Variants in IGSF9 observed in about 807,000 individuals in gnomAD.
IGSF9 encodes the protein protein turtle homolog A.
IGSF9 carries 87 observed loss-of-function variants against 121.7 expected under a neutral mutation model. The observed-to-expected ratio is 0.71, with a 90% CI of 0.60 to 0.85. The LOEUF (loss-of-function observed/expected upper bound fraction) is 0.85, where lower values mean the gene tolerates loss of function less well. Among genes scored for constraint, IGSF9 ranks in the 40% least tolerant of loss-of-function variants. The pLI, the probability that IGSF9 is intolerant of heterozygous loss-of-function variation, is 0.00. For missense variants in IGSF9, 1,462 were observed against 1,565.3 expected (o/e 0.93, Z 1.11); for synonymous variants, 640 against 648.4 (o/e 0.99, Z 0.20).
intron 19 of IGSF9, 26 bp downstream of exon 19, chr1:159,928,132 C>T (rs1650811935): frequency 9.4e-6 from 15 of 1,596,704 alleles, no homozygotes; most frequent in African/African-American, 1.3e-5. Context: ...GAGGCGGAGG[C>T]AGGGATGGGC....
chr1:159,931,181 C>T lies in IGSF9; in HGVS notation c.1594G>A (p.Asp532Asn), dbSNP rs143172293. The T allele has an allele frequency of 2.0e-5, 33 of 1,614,030 alleles. No individual in the cohort carries two copies. The highest frequency in any genetic ancestry group is 2.8e-5 in the Non-Finnish European group (33 of 1,180,000). The change falls in exon 13 of 21, where the codon GAT becomes AAT. Residue 532 changes from aspartate (D) to asparagine (N), a missense_variant. This residue lies in a region of IGSF9 where 96 missense variants were observed against 150.7 expected (regional missense o/e 0.64). Transcript: ENST00000368094. The surrounding 1 kb of genome is among the most constrained non-coding windows in gnomAD (Gnocchi z 4.8). Reference sequence around the variant, plus strand: ...CTGAATCTCTGCAGATAACCACCATCAAAGCCAGGCTCCCAGGAGACATTG... The same window carrying T: ...CTGAATCTCTGCAGATAACCACCATTAAAGCCAGGCTCCCAGGAGACATTG... ...GANVSWEPGF[D>N]GGYLQRFSVW...
intron 15 of IGSF9, 32 bp from the exon 16 acceptor site, chr1:159,930,007 T>A: frequency 1.3e-6 from 2 of 1,583,188 alleles, no homozygotes; most frequent in Non-Finnish European, 1.7e-6. Context: ...AGGAGGGAGG[T>A]CAGGGCCCAG....
rs1487643925 is a variant in IGSF9 at position 159,927,045 on chromosome 1, T to C, written c.*300A>G. ...GACAGATAACACACAGAAACATCTT[T>C]CAAACTTTGTTTATTCACCTGTAAA... On this transcript the variant is annotated 3_prime_UTR_variant, in exon 21 of 21. Transcript: ENST00000368094. The C allele has an allele frequency of 2.1e-6, 1 of 472,420 alleles. No homozygotes were observed. The highest frequency in any genetic ancestry group is 3.8e-6 in the Non-Finnish European group (1 of 263,644). The allele number at this position is 472,420 out of a possible 1,614,324, so 29.3% of individuals were successfully genotyped here.
In IGSF9 at chr1:159,927,473, G is replaced by T. The variant is rs1411465363; in HGVS notation, c.3412C>A (p.Pro1138Thr). Residue 1138 changes from proline (P) to threonine (T), a missense_variant, in exon 21 of 21, where the codon CCT (proline) becomes ACT (threonine). By Grantham distance (38) the Pro-to-Thr change is conservative. Transcript: ENST00000368094. ...CGAAGGGCAGCACAGCGGGCCTCAG[G>T]GCCAGTAACATGGGCAGTGTTCAGG... ...CLLNTAHVTG[P>T]EARCAALREE... 6.2e-7 allele frequency: 1 copy of T among 1,614,030 alleles called. No homozygotes were observed. Among genetic ancestry groups the T allele is most frequent in the African/African-American group, 1.3e-5 (1 of 74,934 alleles).
intron 1 of IGSF9, among the ~76,000 whole-genome samples, chr1:159,944,567 T>C (rs185508975): frequency 3.9e-5 from 6 of 152,188 alleles, no homozygotes; most frequent in African/African-American, 1.2e-4. Flanking sequence ...CCCAGAGGCA[T>C]GGTCCAAAAA....
intron 9 of IGSF9, 76 bp downstream of exon 9, chr1:159,934,114 G>A (rs1202065834): frequency 6.7e-6 from 10 of 1,503,006 alleles, no homozygotes; most frequent in Admixed American, 5.9e-5. Context: ...GAATTAAACC[G>A]AGCTAACTCC....
chr1:159,931,800 C>T lies in IGSF9; in HGVS notation c.1362+12G>A, dbSNP rs748287510. 1.3e-6 allele frequency: 2 copies of T among 1,540,834 alleles called. No individual in the cohort carries two copies. Among genetic ancestry groups the T allele is most frequent in the East Asian group, 4.5e-5 (2 of 44,246 alleles). ...GGCGTGGGTACAGGCAGAGCGGGCTCAGGAGCCTTACCTTGGTCCAAGAGA... is the reference window on the plus strand; with the variant it reads ...GGCGTGGGTACAGGCAGAGCGGGCTTAGGAGCCTTACCTTGGTCCAAGAGA... On this transcript the variant is annotated intron_variant, in intron 11 of 20. Coordinates refer to ENST00000368094, the MANE Select transcript of IGSF9 (RefSeq NM_001135050.2). The surrounding 1 kb of genome is among the most constrained non-coding windows in gnomAD (Gnocchi z 4.8).
chr1:159,935,341 T>G (rs1651147891), intron 6 of IGSF9, among the ~76,000 whole-genome samples: 1 of 151,958 alleles, frequency 6.6e-6, no homozygotes, highest in Non-Finnish European at 1.5e-5. Flanking sequence ...TACACTAAGC[T>G]CAAACCCAGC....
intron 6 of IGSF9, among the ~76,000 whole-genome samples, chr1:159,935,571 T>G (rs1651155444): frequency 6.6e-6 from 1 of 152,206 alleles, no homozygotes; most frequent in Non-Finnish European, 1.5e-5. Context: ...CCACTACTCC[T>G]TCCCCTCTCT....
chr1:159,932,022 C>T lies in IGSF9; in HGVS notation c.1246-94G>A, dbSNP rs929924582. The stretch of plus-strand genomic sequence containing the variant: ...TGCTCCCTGTCATGCCATGTCTCAC[C>T]TCACTCTCCCTCACTCCCCCTAGCT... On this transcript the variant is annotated intron_variant, in intron 10 of 20. Transcript: ENST00000368094. This position sits in a 1 kb window ranked among gnomAD's most constrained non-coding sequence, Gnocchi z 4.1. 1.7e-5 allele frequency: 12 copies of T among 715,064 alleles called. No individual in the cohort carries two copies. Among genetic ancestry groups the T allele is most frequent in the African/African-American group, 1.1e-4 (6 of 56,270 alleles). 44.3% of individuals were successfully genotyped at this position (715,064 alleles called of 1,614,324 possible).
In IGSF9 at chr1:159,928,424, A is replaced by G. The variant is rs1312529630; in HGVS notation, c.2964T>C (p.Ala988=). The part of the protein sequence containing the change: ...RESLPGAVVG[A]GATAEPPYTA... ...TGTAAGGGGGCTCTGCAGTGGCCCC[A>G]GCCCCTACCACAGCCCCAGGAAGTG... The change falls in exon 19 of 21, where the codon GCT becomes GCC. Residue 988 remains alanine (A), a synonymous_variant. Transcript: ENST00000368094. 1 of 1,605,068 alleles carries G rather than the reference A, an allele frequency of 6.2e-7. No individual in the cohort carries two copies. The highest frequency in any genetic ancestry group is 1.3e-5 in the African/African-American group (1 of 74,962).
rs757597018 is a variant in IGSF9, at chr1:159,936,564, G to A, written c.556-48C>T. ...AGAGTCCTTTCCCCTGCCAGCCTCA[G>A]ATCCTGCACTTCCGAGTTTGGCCAG... On this transcript the variant is annotated intron_variant, in intron 5 of 20. Transcript: ENST00000368094. The A allele has an allele frequency of 2.5e-6, 4 of 1,580,848 alleles. No individual in the cohort carries two copies. In the Admixed American group the frequency reaches 6.8e-5, roughly 27 times the overall value.
intron 14 of IGSF9, 101 bp downstream of exon 14, chr1:159,930,591 G>A: frequency 6.4e-7 from 1 of 1,554,390 alleles, no homozygotes; most frequent in Non-Finnish European, 8.8e-7. Context: ...AAGCTGGCCA[G>A]CACCTCTGCC....
In IGSF9 at chr1:159,928,724, G is replaced by A. The variant is rs752508017; in HGVS notation, c.2664C>T (p.Ser888=). 42 of 1,477,182 alleles carry A rather than the reference G, an allele frequency of 2.8e-5. No individual in the cohort carries two copies. The highest frequency in any genetic ancestry group is 7.8e-5 in the Admixed American group (3 of 38,646). 91.5% of individuals were successfully genotyped at this position (1,477,182 alleles called of 1,614,324 possible). A position where few individuals can be genotyped will look rare whatever the true frequency, so the allele number is the denominator to read the frequency against. The part of the protein sequence containing the change: ...QRLARSFDCS[S]SSPSGAPQPL... ...GCTGGGGTGCCCCACTGGGGCTGCTGCTGCTACAGTCAAAGGACCGGGCCA... is the reference window on the plus strand; with the variant it reads ...GCTGGGGTGCCCCACTGGGGCTGCTACTGCTACAGTCAAAGGACCGGGCCA... The change falls in exon 19 of 21, where the codon AGC becomes AGT. Residue 888 remains serine (S), a synonymous_variant. Transcript: ENST00000368094.
At chr1:159,937,019 C>T (rs1431002356) in intron 4 of IGSF9, 111 bp from the exon 5 acceptor site, 23 of 1,112,604 alleles carry the variant, frequency 2.1e-5, no homozygotes, top group Middle Eastern at 2.8e-4. Flanking sequence ...ACCCACCAGC[C>T]CTGCCTCATA....
At chr1:159,941,404 C>T (rs1232552276) in intron 3 of IGSF9, among the ~76,000 whole-genome samples, 1 of 152,264 alleles carries the variant, frequency 6.6e-6, no homozygotes, top group Non-Finnish European at 1.5e-5. Flanking sequence ...CAGGTCCCAA[C>T]TCCCTCAGCC....
At chr1:159,929,467 C>T in intron 17 of IGSF9, 74 bp from the exon 18 acceptor site, 1 of 1,566,072 alleles carries the variant, frequency 6.4e-7, no homozygotes, top group East Asian at 2.2e-5. Context: ...TCTCACCCAA[C>T]ACCAGGCGCC....
chr1:159,929,832 A>T lies in IGSF9; in HGVS notation c.2150-18T>A. ...CTCCAGACCTAGGCAGGGGTCCACG[A>T]GGGAGGGTCAGTGGACTCGGAGCAG... On this transcript the variant is annotated intron_variant, in intron 16 of 20. Transcript: ENST00000368094. 1 of 1,597,926 alleles carries T rather than the reference A, an allele frequency of 6.3e-7. No individual in the cohort carries two copies. The highest frequency in any genetic ancestry group is 8.5e-7 in the Non-Finnish European group (1 of 1,172,848).
intron 3 of IGSF9, 148 bp downstream of exon 3, chr1:159,942,815 C>A: frequency 1.6e-6 from 1 of 636,292 alleles, no homozygotes; most frequent in Non-Finnish European, 2.8e-6. Flanking sequence ...GGGAGCACAG[C>A]CATGCTTATT....
Sources: gnomAD v4.1 joint callset for allele counts (sites outside exome capture counted in the v4.1 genomes callset) on GRCh38, gnomAD v4.1.1 for gene constraint, gnomAD v4.1.1 regional missense constraint, Gnocchi (gnomAD v3.1) non-coding constraint, MANE v1.5 for transcripts, NCBI Gene and HGNC (gene_info 2026-07-23, HGNC 2026-07-21) for gene names.